ASMTL: variants seen among roughly 807,000 people sequenced by gnomAD.
ASMTL encodes the protein probable bifunctional dTTP/UTP pyrophosphatase/methyltransferase protein.
A neutral mutation model predicts 60.3 loss-of-function variants in ASMTL; 57 were observed. That is an observed-to-expected ratio of 0.95 (90% CI 0.76 to 1.18). ASMTL has a LOEUF of 1.18. Ranked by LOEUF, ASMTL falls within the 50% of genes most tolerant of loss-of-function variation. The pLI, the probability that ASMTL is intolerant of heterozygous loss-of-function variation, is 0.00. For synonymous variants in ASMTL, 419 were observed against 373.0 expected (o/e 1.12, Z -1.42); for missense variants, 981 against 852.6 (o/e 1.15, Z -1.88).
chrX:1,428,736 A>G (rs1283320908), intron 6 of ASMTL, among the ~76,000 whole-genome samples: 1 of 148,950 alleles, frequency 6.7e-6, no homozygotes, highest in Non-Finnish European at 1.5e-5. Context: ...CAAGCCAATT[A>G]TCCCATTCAG....
In ASMTL at chrX:1,403,437, C is replaced by T. The variant is rs11553057; in HGVS notation, c.1698G>A (p.Ala566=). Residue 566 remains alanine (A), a synonymous_variant, in exon 13 of 13, where the codon GCG becomes GCA. Coordinates refer to ENST00000381317, the MANE Select transcript of ASMTL (RefSeq NM_004192.4). The part of the protein sequence containing the change: ...ETLLDEEKRV[A]QRALMQSLNM... ...TCAGTGACTGCATCAGGGCGCGCTG[C>T]GCCACCCTCTTCTCCTCATCCAGGA... 4,649 of 1,613,228 alleles carry T rather than the reference C, an allele frequency of 2.9e-3. 127 individuals carry two copies. In the African/African-American group the frequency reaches 0.056, roughly 19 times the overall value.
At chrX:1,442,629 G>T (rs1450364478) in intron 1 of ASMTL, among the ~76,000 whole-genome samples, 1 of 152,126 alleles carries the variant, frequency 6.6e-6, no homozygotes. Flanking sequence ...CAGCAGGGAG[G>T]TATTGACTCG....
Position 1,425,589 on chromosome X carries a change from C to A in ASMTL, c.996G>T (p.Ala332=). 1 of 1,613,784 alleles carries A rather than the reference C, an allele frequency of 6.2e-7. No homozygotes were observed. Among genetic ancestry groups the A allele is most frequent in the Non-Finnish European group, 8.5e-7 (1 of 1,179,824 alleles). The part of the protein sequence containing the change: ...ADIASKVDAS[A]CGMERLLDIC... The stretch of plus-strand genomic sequence containing the variant: ...TGTCCAGAAGCCTCTCCATTCCACA[C>A]GCAGAGGCGTCCACTTTGCTGGCAA... The change falls in exon 8 of 13, where the codon GCG becomes GCT. Residue 332 remains alanine, a synonymous_variant. Transcript: ENST00000381317.
At chrX:1,443,982 T>C (rs2091179350) in intron 1 of ASMTL, among the ~76,000 whole-genome samples, 1 of 152,202 alleles carries the variant, frequency 6.6e-6, no homozygotes, top group Admixed American at 6.5e-5. Context: ...CATTTTAAGT[T>C]CCCTTGATTA....
At chrX:1,420,960 A>AT (rs57552675) in intron 9 of ASMTL, among the ~76,000 whole-genome samples, 15,196 of 135,292 alleles carry the variant, frequency 0.11, 922 homozygotes, top group Admixed American at 0.14. Flanking sequence ...CTAATCGTTA[A>AT]TTTTTTTTTT....
intron 1 of ASMTL, 72 bp downstream of exon 1, chrX:1,452,676 T>C (rs2091426684): frequency 3.8e-6 from 5 of 1,305,744 alleles, no homozygotes; most frequent in Non-Finnish European, 4.2e-6. Flanking sequence ...CTAGAGTTCC[T>C]GAGTCGCTGG....
chrX:1,451,133 C>G (rs1352210828), intron 1 of ASMTL, among the ~76,000 whole-genome samples: 1 of 147,288 alleles, frequency 6.8e-6, no homozygotes, highest in Non-Finnish European at 1.5e-5. Context: ...TCTCCCCTCC[C>G]CATTCCTAGG....
chrX:1,421,911 G>GT (rs2090495272), intron 8 of ASMTL, 69 bp from the exon 9 acceptor site: 1 of 1,424,750 alleles, frequency 7.0e-7, no homozygotes, highest in African/African-American at 1.4e-5. Flanking sequence ...CGTAGGGGAT[G>GT]TATCATTGAG....
chrX:1,435,783 G>T, intron 3 of ASMTL, 25 bp from the exon 4 acceptor site: 1 of 1,608,096 alleles, frequency 6.2e-7, no homozygotes, highest in Non-Finnish European at 8.5e-7. Context: ...GACAGAGGGA[G>T]TTGGTTCCCA....
intron 2 of ASMTL, among the ~76,000 whole-genome samples, chrX:1,439,957 G>C (rs1177971904): frequency 6.6e-6 from 1 of 152,024 alleles, no homozygotes; most frequent in South Asian, 2.1e-4. Context: ...CAGGACATCT[G>C]TGTGCAGCTT....
At position 1,419,094 on chromosome X, in the gene ASMTL, C is replaced by T. The variant is rs749829599; in HGVS notation, c.1266G>A (p.Pro422=). Residue 422 remains proline, a synonymous_variant, in exon 10 of 13, where the codon CCG becomes CCA. Coordinates refer to ENST00000381317, the MANE Select transcript of ASMTL (RefSeq NM_004192.4). Reference sequence around the variant, plus strand: ...CCCGCATGAACCTCAGCCGCGTCTCCGGGCTCTGGTAGTACGCATCCTGGA... The same window carrying T: ...CCCGCATGAACCTCAGCCGCGTCTCTGGGCTCTGGTAGTACGCATCCTGGA... ...DLFQDAYYQS[P]ETRLRFMRAM... The T allele has an allele frequency of 1.3e-5, 21 of 1,611,114 alleles. No individual in the cohort carries two copies. Among genetic ancestry groups the T allele is most frequent in the South Asian group, 5.5e-5 (5 of 90,798 alleles).
chrX:1,438,959 G>T, intron 3 of ASMTL, 138 bp downstream of exon 3: 1 of 954,072 alleles, frequency 1.0e-6, no homozygotes, highest in South Asian at 1.5e-5. Context: ...TCATCTGCTG[G>T]TAGTTTGTGA....
intron 1 of ASMTL, among the ~76,000 whole-genome samples, chrX:1,444,123 C>T (rs745605816): frequency 6.6e-5 from 10 of 152,306 alleles, no homozygotes; most frequent in East Asian, 1.9e-4. Flanking sequence ...AGTCCAACCC[C>T]GCAATCAATT....
At position 1,433,289 on chromosome X, in the gene ASMTL, T is replaced by C. The variant is rs1462136423; in HGVS notation, c.401-912A>G. 1.3e-5 allele frequency among the ~76,000 whole-genome samples: 2 copies of C among 151,784 alleles called. 1 individual carries two copies. The highest frequency in any genetic ancestry group is 2.9e-5 in the Non-Finnish European group (2 of 67,958). On this transcript the variant is annotated intron_variant, in intron 5 of 12. Transcript: ENST00000381317. ...GCCTTTTGGAAAGGGCAGGCTTTGG[T>C]TGTCATGGGAACAGGGGGAGGGGGC...
intron 1 of ASMTL, among the ~76,000 whole-genome samples, chrX:1,451,482 C>CT (rs1310434824): frequency 6.8e-5 from 10 of 147,784 alleles, no homozygotes; most frequent in East Asian, 2.1e-4. Context: ...GGTTACTCTC[C>CT]CTACCCCCAT....
rs1190557208 is a variant in ASMTL at position 1,427,765 on chromosome X, A to C, written c.866T>G (p.Leu289Arg). The change falls in exon 7 of 13, where the codon CTG (leucine) becomes CGG (arginine). Residue 289 changes from leucine to arginine, a missense_variant. Coordinates refer to ENST00000381317, the MANE Select transcript of ASMTL (RefSeq NM_004192.4). ...TAGCATAAAGCCCTCAATCAGCTCC[A>C]GGAGGCGTGTCGGGAACGGAGGCAG... is the stretch of plus-strand genomic sequence containing the variant. Reference protein sequence around the residue: ...ETLPPFPTRLLELIEGFMLSK... With the variant: ...ETLPPFPTRLRELIEGFMLSK... 3 of 1,612,708 alleles carry C rather than the reference A, an allele frequency of 1.9e-6. No individual in the cohort carries two copies. The highest frequency in any genetic ancestry group is 2.5e-6 in the Non-Finnish European group (3 of 1,179,364).
At chrX:1,416,442 T>TGC (rs1372433415) in intron 11 of ASMTL, among the ~76,000 whole-genome samples, 4,795 of 67,260 alleles carry the variant, frequency 0.071, 1,348 homozygotes, top group Middle Eastern at 0.088. Flanking sequence ...CACATAAACA[T>TGC]AGACATGCAC....
intron 11 of ASMTL, among the ~76,000 whole-genome samples, chrX:1,414,331 G>C (rs2090156169): frequency 6.6e-6 from 1 of 152,194 alleles, no homozygotes; most frequent in Non-Finnish European, 1.5e-5. Context: ...TGAGGGGAAA[G>C]AAGGGGCGGG....
chrX:1,422,136 C>T lies in ASMTL; in HGVS notation c.1061-294G>A, dbSNP rs151024121. Among the ~76,000 whole-genome samples, 18 of 152,330 alleles carry T rather than the reference C, an allele frequency of 1.2e-4. No individual in the cohort carries two copies. In the East Asian group the frequency reaches 3.5e-3, roughly 29 times the overall value. ...TACCCACTGAGGCTGATCCTTTCTT[C>T]ATGATCGTGGCCACGCTCAAGTTCC... On this transcript the variant is annotated intron_variant, in intron 8 of 12. Coordinates refer to ENST00000381317, the MANE Select transcript of ASMTL (RefSeq NM_004192.4).
Sources: gnomAD v4.1 joint callset for allele counts (sites outside exome capture counted in the v4.1 genomes callset) on GRCh38, gnomAD v4.1.1 for gene constraint, MANE v1.5 for transcripts, NCBI Gene and HGNC (gene_info 2026-07-23, HGNC 2026-07-21) for gene names.